The following TNKS variants were observed in gnomAD, a reference collection of about 807,000 sequenced individuals.
TNKS encodes poly [ADP-ribose] polymerase tankyrase-1.
A neutral mutation model predicts 135.8 loss-of-function variants in TNKS; 72 were observed. The observed-to-expected ratio is 0.53, with a 90% CI of 0.44 to 0.64. The LOEUF is 0.64. Ranked by LOEUF, TNKS falls within the 30% of genes least tolerant of loss-of-function variation. TNKS has a pLI of 0.00. For missense variants in TNKS, 1,769 were observed against 1,674.0 expected, an observed-to-expected ratio of 1.06 and a Z score of -0.99; for synonymous variants, 849 against 649.3, an observed-to-expected ratio of 1.31 and a Z score of -4.68.
intron 2 of TNKS, among the ~76,000 whole-genome samples, chr8:9,583,238 T>A (rs1212729282): frequency 6.6e-6 from 1 of 150,546 alleles, no homozygotes; most frequent in Non-Finnish European, 1.5e-5. Context: ...CTATTTACCA[T>A]CAAAAAGAAG....
At chr8:9,683,299 C>T (rs1802859299) in intron 5 of TNKS, among the ~76,000 whole-genome samples, 1 of 151,968 alleles carries the variant, frequency 6.6e-6, no homozygotes, top group African/African-American at 2.4e-5. Context: ...GCTAAAATTA[C>T]AAGTATCTGT....
At chr8:9,594,147 A>G (rs1798687811) in intron 2 of TNKS, among the ~76,000 whole-genome samples, 1 of 152,128 alleles carries the variant, frequency 6.6e-6, no homozygotes, top group African/African-American at 2.4e-5. Flanking sequence ...TCGGCCTCCC[A>G]AAGTGCTAGG....
chr8:9,688,112 T>G (rs145507227), intron 5 of TNKS, among the ~76,000 whole-genome samples: 1 of 152,236 alleles, frequency 6.6e-6, no homozygotes, highest in African/African-American at 2.4e-5. Flanking sequence ...CTTTATAACT[T>G]ACATGTTTCT....
At chr8:9,635,783 A>G (rs1800487031) in intron 3 of TNKS, among the ~76,000 whole-genome samples, 1 of 152,216 alleles carries the variant, frequency 6.6e-6, no homozygotes. Flanking sequence ...GGTTCATTCT[A>G]CGAAATAGCC....
At chr8:9,759,424 G>T (rs983099728) in intron 20 of TNKS, among the ~76,000 whole-genome samples, 5 of 152,228 alleles carry the variant, frequency 3.3e-5, no homozygotes, top group Non-Finnish European at 7.3e-5. Context: ...CCAGGAGGTA[G>T]GAGAGCACTT....
At chr8:9,706,084 T>C in intron 6 of TNKS, 103 bp from the exon 7 acceptor site, 1 of 666,694 alleles carries the variant, frequency 1.5e-6, no homozygotes, top group Admixed American at 3.8e-5. Context: ...TTAAATATTT[T>C]AAAATAATTG....
At chr8:9,752,213 G>A (rs1049786063) in intron 19 of TNKS, among the ~76,000 whole-genome samples, 11 of 151,914 alleles carry the variant, frequency 7.2e-5, no homozygotes, top group Non-Finnish European at 4.4e-5. Context: ...TATATAAGTA[G>A]CATTCTGTAG....
chr8:9,687,157 C>T (rs934739465), intron 5 of TNKS, among the ~76,000 whole-genome samples: 5 of 152,106 alleles, frequency 3.3e-5, no homozygotes, highest in African/African-American at 1.2e-4. Context: ...TTATCACCCT[C>T]CATTCTTGCC....
chr8:9,757,861 T>G (rs932488349), intron 20 of TNKS, among the ~76,000 whole-genome samples: 1 of 152,236 alleles, frequency 6.6e-6, no homozygotes, highest in Non-Finnish European at 1.5e-5. Context: ...TTAAACATTT[T>G]ATATGTGAAT....
chr8:9,764,690 A>ATAAAATTAGTTATTTTGTTC (rs1442648259), intron 22 of TNKS, 26 bp from the exon 23 acceptor site: 15 of 1,566,404 alleles, frequency 9.6e-6, no homozygotes, highest in African/African-American at 1.4e-5. Flanking sequence ...GGATGTTTTT[A>ATAAAATTAGTTATTTTGTTC]TAAAATTAGT....
At chr8:9,587,484 C>G (rs868603793) in intron 2 of TNKS, among the ~76,000 whole-genome samples, 2 of 151,366 alleles carry the variant, frequency 1.3e-5, no homozygotes, top group Non-Finnish European at 2.9e-5. Context: ...ACTGTAAGCT[C>G]GGCCTCCTGG....
At chr8:9,716,823 T>C (rs979345651) in intron 11 of TNKS, among the ~76,000 whole-genome samples, 5 of 151,800 alleles carry the variant, frequency 3.3e-5, no homozygotes, top group Non-Finnish European at 7.4e-5. Context: ...ATGGCCTAAA[T>C]GTGGTCTTTT....
At chr8:9,676,679 T>C (rs1802552128) in intron 3 of TNKS, among the ~76,000 whole-genome samples, 2 of 100,654 alleles carry the variant, frequency 2.0e-5, no homozygotes, top group Non-Finnish European at 4.2e-5. Flanking sequence ...TCTCCCTCTC[T>C]CTCTCTCTGT....
chr8:9,744,630 G>A (rs1806141981), intron 17 of TNKS, among the ~76,000 whole-genome samples: 1 of 152,062 alleles, frequency 6.6e-6, no homozygotes, highest in Admixed American at 6.5e-5. Flanking sequence ...TTTCTTTTCT[G>A]GACCTTCTAG....
intron 20 of TNKS, among the ~76,000 whole-genome samples, chr8:9,758,499 C>T (rs1178203183): frequency 6.6e-6 from 1 of 152,178 alleles, no homozygotes. Flanking sequence ...CACTTATCTA[C>T]TGCTGTGTAA....
intron 2 of TNKS, among the ~76,000 whole-genome samples, chr8:9,605,739 T>C (rs1162969164): frequency 6.6e-6 from 1 of 152,130 alleles, no homozygotes; most frequent in Non-Finnish European, 1.5e-5. Flanking sequence ...GTAATTTATA[T>C]ATCTTCTTCT....
chr8:9,655,532 T>C (rs1175773961), intron 3 of TNKS, among the ~76,000 whole-genome samples: 1 of 152,144 alleles, frequency 6.6e-6, no homozygotes, highest in Non-Finnish European at 1.5e-5. Flanking sequence ...TGGGTACTCC[T>C]CTGAGACAAA....
At chr8:9,625,927 T>C (rs1391680408) in intron 3 of TNKS, among the ~76,000 whole-genome samples, 1 of 152,196 alleles carries the variant, frequency 6.6e-6, no homozygotes, top group Non-Finnish European at 1.5e-5. Flanking sequence ...ATAGATTCTG[T>C]TGGTTGATGG....
intron 5 of TNKS, among the ~76,000 whole-genome samples, chr8:9,703,602 G>A (rs1803921017): frequency 6.6e-6 from 1 of 152,200 alleles, no homozygotes; most frequent in African/African-American, 2.4e-5. Context: ...TAAACTTAGA[G>A]ACTGACAGAA....
Sources: allele counts gnomAD v4.1 joint callset (sites outside exome capture counted in the v4.1 genomes callset), GRCh38; gene constraint gnomAD v4.1.1; transcripts MANE v1.5; gene names NCBI Gene and HGNC (gene_info 2026-07-23, HGNC 2026-07-21).